IFT52: variants seen among roughly 807,000 people sequenced by gnomAD.
The protein encoded by IFT52 is intraflagellar transport 52.
A neutral mutation model predicts 54.4 loss-of-function variants in IFT52; 44 were observed. The observed-to-expected ratio is 0.81, with a 90% CI of 0.63 to 1.04. IFT52 has a LOEUF of 1.04. Among genes scored for constraint, IFT52 ranks in the 50% least tolerant of loss-of-function variants. The probability of loss-of-function intolerance (pLI) is 0.00; values close to 1 mark genes in which losing one functional copy is unlikely to be tolerated. For synonymous variants in IFT52, 181 were observed against 185.3 expected, an observed-to-expected ratio of 0.98 and a Z score of 0.19; for missense variants, 452 against 523.6, an observed-to-expected ratio of 0.86 and a Z score of 1.33.
chr20:43,642,158 G>C (rs1258960646), intron 12 of IFT52: 8 of 228,246 alleles, frequency 3.5e-5, no homozygotes, highest in Admixed American at 5.4e-5. Flanking sequence ...AGTCATCTTT[G>C]TTGCATTCAG....
chr20:43,606,652 C>T (rs527613147), intron 6 of IFT52, among the ~76,000 whole-genome samples: 2 of 151,556 alleles, frequency 1.3e-5, no homozygotes, highest in African/African-American at 4.8e-5. Flanking sequence ...TTGGCAGGGT[C>T]ATAGGACAAT....
At chr20:43,629,107 T>C (rs1356063001) in intron 10 of IFT52, among the ~76,000 whole-genome samples, 1 of 152,098 alleles carries the variant, frequency 6.6e-6, no homozygotes, top group South Asian at 2.1e-4. Context: ...GTCAAGCAAG[T>C]AGTATAAAGA....
At chr20:43,624,272 A>G (rs1984561647) in intron 10 of IFT52, 1 of 544,268 alleles carries the variant, frequency 1.8e-6, no homozygotes, top group African/African-American at 1.9e-5. Context: ...TGGACCAGGC[A>G]TTTAGCCTGA....
chr20:43,630,063 G>A (rs908099053), intron 10 of IFT52, among the ~76,000 whole-genome samples: 1 of 152,064 alleles, frequency 6.6e-6, no homozygotes, highest in Non-Finnish European at 1.5e-5. Flanking sequence ...AGCTACCAGG[G>A]CGTGACATCT....
chr20:43,628,009 C>G lies in IFT52; in HGVS notation c.923+3964C>G, dbSNP rs1984874418. Among the ~76,000 whole-genome samples the G allele has an allele frequency of 2.7e-5, 4 of 150,022 alleles. No individual in the cohort carries two copies. The Admixed American group carries it at 2.7e-4, about 10-fold the overall frequency. On this transcript the variant is annotated intron_variant, in intron 10 of 13. Transcript: ENST00000373030. ...AGGCACGATCTCGGCTCACTGCAGC[C>G]TCCGCCTCTCAGGTTCAAGTGATCC... is the stretch of plus-strand genomic sequence containing the variant.
intron 10 of IFT52, 110 bp from the exon 11 acceptor site, chr20:43,635,816 A>C: frequency 1.1e-6 from 1 of 907,724 alleles, no homozygotes; most frequent in Non-Finnish European, 1.7e-6. Flanking sequence ...GGTATTTCTA[A>C]AAATAGTACT....
chr20:43,642,384 G>A, intron 12 of IFT52, 95 bp from the exon 13 acceptor site: 2 of 1,143,262 alleles, frequency 1.7e-6, no homozygotes, highest in Non-Finnish European at 2.5e-6. Flanking sequence ...AGGAAATGTG[G>A]AAACATGACA....
At chr20:43,618,486 T>A (rs1984025060) in intron 7 of IFT52, 1 of 153,136 alleles carries the variant, frequency 6.5e-6, no homozygotes, top group Non-Finnish European at 1.5e-5. Context: ...TGGTCTTTCT[T>A]TTTTTTGTTT....
chr20:43,636,486 A>G (rs1600513247), intron 11 of IFT52, among the ~76,000 whole-genome samples: 1 of 152,218 alleles, frequency 6.6e-6, no homozygotes, highest in East Asian at 1.9e-4. Flanking sequence ...GTTATGAGCC[A>G]GTTAGCTTGA....
At chr20:43,609,121 AG>A (rs1480286866) in intron 6 of IFT52, among the ~76,000 whole-genome samples, 3 of 151,900 alleles carry the variant, frequency 2.0e-5, no homozygotes, top group Non-Finnish European at 4.4e-5. Flanking sequence ...ACACACCCAT[AG>A]GCCCAGCTAC....
chr20:43,608,028 A>G (rs942200839), intron 6 of IFT52, among the ~76,000 whole-genome samples: 7 of 137,166 alleles, frequency 5.1e-5, no homozygotes, highest in South Asian at 2.5e-4. Flanking sequence ...CGCGCCTGCA[A>G]TCACAGGCAC....
chr20:43,603,766 A>T lies in IFT52; in HGVS notation c.214A>T (p.Ile72Phe). The change falls in exon 4 of 14, where the codon ATC (isoleucine) becomes TTC (phenylalanine). Residue 72 changes from isoleucine (I) to phenylalanine (F), a missense_variant. Ile to Phe is a conservative substitution (Grantham distance 21). Coordinates refer to ENST00000373030, the MANE Select transcript of IFT52 (RefSeq NM_016004.5). ...GCTTTTTTCCTTTGTGTAGTTTGAA[A>T]TCCTGAAGAAATATCTTGACACTGG... ...REKFTAAEFE[I>F]LKKYLDTGGD... 6.2e-7 allele frequency: 1 copy of T among 1,612,120 alleles called. No homozygotes were observed. Among genetic ancestry groups the T allele is most frequent in the Non-Finnish European group, 8.5e-7 (1 of 1,179,490 alleles).
chr20:43,622,332 C>T (rs950733735), intron 9 of IFT52, among the ~76,000 whole-genome samples: 1 of 152,152 alleles, frequency 6.6e-6, no homozygotes, highest in Non-Finnish European at 1.5e-5. Flanking sequence ...GGCGCGGTGG[C>T]TCACGCCTGT....
At chr20:43,610,022 A>AGGTACGATGACTCAT (rs1354020517) in intron 6 of IFT52, among the ~76,000 whole-genome samples, 9 of 151,978 alleles carry the variant, frequency 5.9e-5, no homozygotes, top group Non-Finnish European at 1.0e-4. Context: ...AAAGAAGCCC[A>AGGTACGATGACTCAT]GGTACGATGA....
At chr20:43,626,163 T>C (rs1056932446) in intron 10 of IFT52, among the ~76,000 whole-genome samples, 3 of 152,036 alleles carry the variant, frequency 2.0e-5, no homozygotes, top group Admixed American at 6.6e-5. Flanking sequence ...TAGTAGCAGT[T>C]TTATATTTTA....
In IFT52 at chr20:43,628,254, T is replaced by C. The variant is rs1315937099; in HGVS notation, c.923+4209T>C. Among the ~76,000 whole-genome samples the C allele has an allele frequency of 2.0e-5, 3 of 152,090 alleles. No individual in the cohort carries two copies. In the East Asian group the frequency reaches 5.8e-4, roughly 29 times the overall value. On this transcript the variant is annotated intron_variant, in intron 10 of 13. Transcript: ENST00000373030. ...CAGTCTTAGCTTTTAGACAGAATCA[T>C]GGATCATTCAGTTGGTACCCTGACT...
intron 3 of IFT52, among the ~76,000 whole-genome samples, chr20:43,603,410 TTTTGG>T (rs1347044817): frequency 6.6e-6 from 1 of 152,106 alleles, no homozygotes; most frequent in African/African-American, 2.4e-5. Flanking sequence ...CAAGAGACAT[TTTTGG>T]TTGCCAGGGG....
chr20:43,629,269 T>C (rs954901129), intron 10 of IFT52, among the ~76,000 whole-genome samples: 18 of 152,138 alleles, frequency 1.2e-4, no homozygotes, highest in Non-Finnish European at 2.5e-4. Flanking sequence ...TTTTGTTTTT[T>C]TGTTTTGTTT....
In IFT52 at chr20:43,643,485, C is replaced by CAA. The variant is rs559641727; in HGVS notation, c.1266+870_1266+871dup. On this transcript the variant is annotated intron_variant, in intron 13 of 13. Coordinates refer to ENST00000373030, the MANE Select transcript of IFT52 (RefSeq NM_016004.5). ...TGGGTAAGAGAGTGAGACTCTGTCT[C>CAA]AAAAAAAAAACAAAAAAATAGAGCT... is the stretch of plus-strand genomic sequence containing the variant. Among the ~76,000 whole-genome samples, 127 of 46,024 alleles carry CAA rather than the reference C, an allele frequency of 2.8e-3. 54 individuals carry two copies. In the South Asian group the frequency reaches 0.048, roughly 17 times the overall value. 30.2% of individuals were successfully genotyped at this position (46,024 alleles called of 152,430 possible).
Sources: allele counts gnomAD v4.1 joint callset (sites outside exome capture counted in the v4.1 genomes callset), GRCh38; gene constraint gnomAD v4.1.1; transcripts MANE v1.5; gene names NCBI Gene and HGNC (gene_info 2026-07-23, HGNC 2026-07-21).